Variants in POGLUT1 observed in about 807,000 individuals in gnomAD.
The protein encoded by POGLUT1 is 9630046K23Rik.
Under a neutral mutation model 61.3 loss-of-function variants are expected in POGLUT1, and 32 were observed. That is an observed-to-expected ratio of 0.52 (90% CI 0.39 to 0.70). The LOEUF (loss-of-function observed/expected upper bound fraction) is 0.70. Ranked by LOEUF, POGLUT1 falls within the 30% of genes least tolerant of loss-of-function variation. The pLI, the probability that POGLUT1 is intolerant of heterozygous loss-of-function variation, is 0.00. For missense variants in POGLUT1, 411 were observed against 469.8 expected (o/e 0.87, Z 1.16); for synonymous variants, 158 against 158.2 (o/e 1.00, Z 0.01).
In POGLUT1 at chr3:119,469,035, C is replaced by G; in HGVS notation, c.14C>G (p.Ala5Gly). ...GGTCTGCCGGCGATGGAGTGGTGGGCTAGCTCGCCGCTTCGGCTCTGGCTG... is the reference window on the plus strand; with the variant it reads ...GGTCTGCCGGCGATGGAGTGGTGGGGTAGCTCGCCGCTTCGGCTCTGGCTG... MEWWASSPLRLWLLL... is the reference protein window; with the variant it reads MEWWGSSPLRLWLLL... Residue 5 changes from alanine to glycine, a missense_variant, in exon 1 of 11, where the codon GCT becomes GGT. Coordinates refer to ENST00000295588, the MANE Select transcript of POGLUT1 (RefSeq NM_152305.3). 1 of 1,608,794 alleles carries G rather than the reference C, an allele frequency of 6.2e-7. No individual in the cohort carries two copies. Among genetic ancestry groups the G allele is most frequent in the Admixed American group, 1.7e-5 (1 of 59,870 alleles).
At chr3:119,486,804 C>T (rs1394158949) in intron 6 of POGLUT1, 29 bp from the exon 7 acceptor site, 1 of 1,456,760 alleles carries the variant, frequency 6.9e-7, no homozygotes, top group Non-Finnish European at 9.6e-7. Flanking sequence ...ACAGGCCACA[C>T]AGTTTTATGT....
chr3:119,475,236 G>T (rs1328923894), intron 3 of POGLUT1, among the ~76,000 whole-genome samples: 1 of 152,134 alleles, frequency 6.6e-6, no homozygotes, highest in Non-Finnish European at 1.5e-5. Context: ...TCTGCACTTA[G>T]ATTTCTTTTC....
At position 119,493,487 on chromosome 3, in the gene POGLUT1, TA is replaced by T. The variant is rs1168993453; in HGVS notation, c.*1055del. 1.3e-5 allele frequency: 2 copies of T among 152,162 alleles called. No individual in the cohort carries two copies. Among genetic ancestry groups the T allele is most frequent in the African/African-American group, 2.4e-5 (1 of 41,428 alleles). The allele number at this position is 152,162 out of a possible 1,614,324, so 9.4% of individuals were successfully genotyped here. ...TCTCAGGGTGCTCTTTCTAACATAGTAAAAAATGAAGAAAAATGTTTAGATT... is the reference window on the plus strand; with the variant it reads ...TCTCAGGGTGCTCTTTCTAACATAGTAAAAATGAAGAAAAATGTTTAGATT... On this transcript the variant is annotated 3_prime_UTR_variant, in exon 11 of 11. Coordinates refer to ENST00000295588, the MANE Select transcript of POGLUT1 (RefSeq NM_152305.3).
At chr3:119,469,136 C>T (rs1407792119) in intron 1 of POGLUT1, 30 bp downstream of exon 1, 2 of 1,534,018 alleles carry the variant, frequency 1.3e-6, no homozygotes, top group Non-Finnish European at 1.8e-6. Context: ...GAGCCTGCCC[C>T]TTGGGCTCGG....
rs951633809 is a variant in POGLUT1, at chr3:119,494,001, G to A, written c.*1563G>A. On this transcript the variant is annotated 3_prime_UTR_variant, in exon 11 of 11. Transcript: ENST00000295588. ...TCTCATTAAAATAGGAACAAAATTT[G>A]CTATCCTTTAGATTAGGAGCTGAAG... 1 of 152,092 alleles carries A rather than the reference G, an allele frequency of 6.6e-6. No individual in the cohort carries two copies. The highest frequency in any genetic ancestry group is 6.5e-5 in the Admixed American group (1 of 15,278). The allele number at this position is 152,092 out of a possible 1,614,324, so 9.4% of individuals were successfully genotyped here.
At chr3:119,490,012 G>A (rs2081721896) in intron 8 of POGLUT1, 1 of 153,006 alleles carries the variant, frequency 6.5e-6, no homozygotes, top group African/African-American at 2.4e-5. Flanking sequence ...GTGCCAAAGA[G>A]GTTGGGGACC....
chr3:119,481,917 TTTTGTTTCTTG>T (rs2081609809), intron 5 of POGLUT1, among the ~76,000 whole-genome samples: 2 of 152,158 alleles, frequency 1.3e-5, no homozygotes, highest in Non-Finnish European at 2.9e-5. Flanking sequence ...GGTGTGGTTT[TTTTGTTTCTTG>T]GTTGTTTTTT....
chr3:119,472,349 C>T (rs756420359), intron 3 of POGLUT1, among the ~76,000 whole-genome samples: 6 of 152,032 alleles, frequency 3.9e-5, no homozygotes, highest in African/African-American at 7.2e-5. Flanking sequence ...AAAAAATTAT[C>T]GATTCGTTCA....
At chr3:119,485,631 G>A (rs1044668026) in intron 6 of POGLUT1, among the ~76,000 whole-genome samples, 2 of 152,226 alleles carry the variant, frequency 1.3e-5, no homozygotes, top group Non-Finnish European at 2.9e-5. Context: ...ATTTTACATA[G>A]TGTCACAAAT....
Position 119,480,184 on chromosome 3 carries a change from A to G in POGLUT1, c.578+12A>G. 1 of 1,537,536 alleles carries G rather than the reference A, an allele frequency of 6.5e-7. No homozygotes were observed. Among genetic ancestry groups the G allele is most frequent in the Non-Finnish European group, 8.7e-7 (1 of 1,143,290 alleles). ...GAAGATCTGGTAAGGTAGGTCCTTT[A>G]AAGAGGTTTTATTTTTTCTCTTTCT... On this transcript the variant is annotated intron_variant, in intron 5 of 10. Transcript: ENST00000295588.
rs1268459131 is a variant in POGLUT1, at chr3:119,493,280, TCTCA to T, written c.*845_*848del. The T allele has an allele frequency of 5.9e-5, 9 of 152,264 alleles. No individual in the cohort carries two copies. Among genetic ancestry groups the T allele is most frequent in the African/African-American group, 2.2e-4 (9 of 41,446 alleles). The allele number at this position is 152,264 out of a possible 1,614,324, so 9.4% of individuals were successfully genotyped here. Reference sequence around the variant, plus strand: ...TGGCCACAGCAGGGGTCATTCACACTCTCACTGTCTTGCAGGAATCACAAGAAGT... The same window carrying T: ...TGGCCACAGCAGGGGTCATTCACACTCTGTCTTGCAGGAATCACAAGAAGT... On this transcript the variant is annotated 3_prime_UTR_variant, in exon 11 of 11. Coordinates refer to ENST00000295588, the MANE Select transcript of POGLUT1 (RefSeq NM_152305.3).
chr3:119,486,579 C>T (rs894357624), intron 6 of POGLUT1, among the ~76,000 whole-genome samples: 2 of 152,110 alleles, frequency 1.3e-5, no homozygotes, highest in Non-Finnish European at 2.9e-5. Context: ...ACCTGAACAA[C>T]ATACCCTTCA....
chr3:119,490,900 G>A lies in POGLUT1; in HGVS notation c.965+182G>A, dbSNP rs532071145. The stretch of plus-strand genomic sequence containing the variant: ...GCATTATTATCCAAGTAGGCTATAA[G>A]TGGAATTTAATTTGAAAAAGCGCTT... On this transcript the variant is annotated intron_variant, in intron 9 of 10. Coordinates refer to ENST00000295588, the MANE Select transcript of POGLUT1 (RefSeq NM_152305.3). 1.9e-3 allele frequency among the ~76,000 whole-genome samples: 290 copies of A among 152,200 alleles called. 1 individual carries two copies. The highest frequency in any genetic ancestry group is 6.0e-3 in the Admixed American group (92 of 15,282).
At chr3:119,481,123 TA>T (rs35380344) in intron 5 of POGLUT1, among the ~76,000 whole-genome samples, 18,000 of 152,106 alleles carry the variant, frequency 0.12, 2,688 homozygotes, top group African/African-American at 0.35. Flanking sequence ...GACCTCGTCA[TA>T]GGGGGGATAG....
intron 8 of POGLUT1, chr3:119,489,671 G>T (rs1261213868): frequency 4.6e-5 from 7 of 151,908 alleles, no homozygotes; most frequent in East Asian, 1.9e-4. Context: ...AATTGATTAG[G>T]TTTTCCTCAT....
At chr3:119,482,294 A>G (rs1325559174) in intron 5 of POGLUT1, among the ~76,000 whole-genome samples, 1 of 152,240 alleles carries the variant, frequency 6.6e-6, no homozygotes, top group Non-Finnish European at 1.5e-5. Context: ...AATATGTATA[A>G]CTCAGGCAAC....
intron 8 of POGLUT1, chr3:119,490,224 C>T: frequency 4.4e-6 from 1 of 225,504 alleles, no homozygotes; most frequent in Non-Finnish European, 8.8e-6. Flanking sequence ...AGATATGTTC[C>T]AAATCTACAA....
intron 8 of POGLUT1, chr3:119,489,750 G>A (rs1577087900): frequency 6.6e-6 from 1 of 152,336 alleles, no homozygotes; most frequent in East Asian, 1.9e-4. Context: ...CAGGCTGCAT[G>A]GCAGGAGGTG....
intron 2 of POGLUT1, among the ~76,000 whole-genome samples, chr3:119,470,730 A>G (rs2081460166): frequency 6.6e-6 from 1 of 152,242 alleles, no homozygotes; most frequent in Non-Finnish European, 1.5e-5. Context: ...CATCAGCTAA[A>G]TAACAGGGTC....
Sources: gnomAD v4.1 joint callset for allele counts (sites outside exome capture counted in the v4.1 genomes callset) on GRCh38, gnomAD v4.1.1 for gene constraint, MANE v1.5 for transcripts, NCBI Gene and HGNC (gene_info 2026-07-23, HGNC 2026-07-21) for gene names.